The following NCOR2 variants were observed in gnomAD, a reference collection of about 807,000 sequenced individuals.
The protein encoded by NCOR2 is nuclear receptor corepressor 2.
A neutral mutation model predicts 262.9 loss-of-function variants in NCOR2; 81 were observed. That is an observed-to-expected ratio of 0.31 (90% CI 0.26 to 0.37). The LOEUF is 0.37. Ranked by LOEUF, NCOR2 falls within the 10% of genes least tolerant of loss-of-function variation. The pLI is 1.00. For missense variants in NCOR2, 3,385 were observed against 3,621.4 expected, an observed-to-expected ratio of 0.93 and a Z score of 1.68; for synonymous variants, 1,659 against 1,559.3, an observed-to-expected ratio of 1.06 and a Z score of -1.51.
intron 13 of NCOR2, among the ~76,000 whole-genome samples, chr12:124,406,771 G>A (rs931806231): frequency 3.9e-5 from 6 of 152,186 alleles, no homozygotes; most frequent in Admixed American, 1.3e-4. Context: ...AGAGACACCT[G>A]CCCCCAGATC....
At chr12:124,337,384 T>C in intron 37 of NCOR2, 1 of 728,836 alleles carries the variant, frequency 1.4e-6, no homozygotes, top group East Asian at 2.7e-5. Flanking sequence ...CCTTGCATCA[T>C]TCCAAAACTT....
intron 6 of NCOR2, among the ~76,000 whole-genome samples, chr12:124,453,173 G>A (rs2045650072): frequency 1.3e-5 from 2 of 152,188 alleles, no homozygotes; most frequent in African/African-American, 4.8e-5. Flanking sequence ...CTGCAGAGAG[G>A]GCTGCACAAA....
chr12:124,333,076 T>A (rs1001376407), intron 42 of NCOR2, 54 bp downstream of exon 44: 1 of 1,531,128 alleles, frequency 6.5e-7, no homozygotes, highest in East Asian at 2.3e-5. Flanking sequence ...GGGCCAAGGA[T>A]GGGCAAGGGA....
chr12:124,365,149 C>A (rs1192471709), intron 20 of NCOR2, among the ~76,000 whole-genome samples: 2 of 152,212 alleles, frequency 1.3e-5, no homozygotes, highest in African/African-American at 4.8e-5. Context: ...TGTCCTAGGT[C>A]TTCCAAGCTA....
At chr12:124,370,907 ACCTGTGAT>A (rs1389625442) in intron 20 of NCOR2, among the ~76,000 whole-genome samples, 1 of 152,088 alleles carries the variant, frequency 6.6e-6, no homozygotes, top group Non-Finnish European at 1.5e-5. Context: ...CAAGGTGATC[ACCTGTGAT>A]CCTGAGCCCT....
At chr12:124,356,900 C>G (rs952832725) in intron 22 of NCOR2, 118 bp from the exon 25 acceptor site, 8 of 1,278,222 alleles carry the variant, frequency 6.3e-6, no homozygotes, top group Non-Finnish European at 7.1e-6. Flanking sequence ...TGGCCTGTGA[C>G]GGCCTGGGCT....
chr12:124,532,196 G>A (rs1345079160), intron 1 of NCOR2, among the ~76,000 whole-genome samples: 6 of 152,104 alleles, frequency 3.9e-5, no homozygotes, highest in Admixed American at 6.5e-5. Flanking sequence ...TCGGCCCTGA[G>A]GTCTGTCCCC....
At chr12:124,452,920 C>G (rs1046935631) in intron 6 of NCOR2, among the ~76,000 whole-genome samples, 5 of 152,154 alleles carry the variant, frequency 3.3e-5, no homozygotes, top group African/African-American at 4.8e-5. Context: ...TAAACAGGAA[C>G]TGCCCCCCTG....
At chr12:124,509,254 A>G (rs2137008949) in intron 1 of NCOR2, among the ~76,000 whole-genome samples, 1 of 133,316 alleles carries the variant, frequency 7.5e-6, no homozygotes, top group African/African-American at 3.4e-5. Context: ...GGGGGGCTTA[A>G]CTCTGAACTC....
intron 1 of NCOR2, among the ~76,000 whole-genome samples, chr12:124,500,254 C>A (rs956223127): frequency 3.9e-5 from 6 of 152,142 alleles, no homozygotes; most frequent in African/African-American, 1.4e-4. Context: ...GGCCCCTGAA[C>A]CAGCTGGAGG....
exon 2 of NCOR2, chr12:124,486,470 C>T (rs1409915520): frequency 1.2e-6 from 2 of 1,612,444 alleles, no homozygotes; most frequent in Non-Finnish European, 1.7e-6. Flanking sequence ...ACTCAGACAG[C>T]AGGGAGGGCC....
At chr12:124,536,612 C>T (rs1036818336), upstream of NCOR2, among the ~76,000 whole-genome samples, 7 of 152,160 alleles carry the variant, frequency 4.6e-5, no homozygotes, top group Non-Finnish European at 8.8e-5. Context: ...CACGAAAGAC[C>T]ACTGCTCACC....
At chr12:124,387,887 G>C (rs1017228682) in intron 16 of NCOR2, among the ~76,000 whole-genome samples, 8 of 152,218 alleles carry the variant, frequency 5.3e-5, no homozygotes, top group Admixed American at 3.3e-4. Flanking sequence ...CTCCCATCTG[G>C]GCCTGCTGGG....
At chr12:124,377,900 G>A (rs1283943919) in intron 18 of NCOR2, among the ~76,000 whole-genome samples, 2 of 151,914 alleles carry the variant, frequency 1.3e-5, no homozygotes, top group African/African-American at 4.8e-5. Flanking sequence ...TGTGACATCG[G>A]ATGGGGTGAA....
chr12:124,536,680 C>T (rs550617315), upstream of NCOR2, among the ~76,000 whole-genome samples: 90 of 152,306 alleles, frequency 5.9e-4, no homozygotes, highest in African/African-American at 2.1e-3. Flanking sequence ...ACAAGGAGCA[C>T]CTGGAACCCT....
intron 31 of NCOR2, among the ~76,000 whole-genome samples, 183 bp from the exon 34 acceptor site, chr12:124,345,134 C>T (rs989878190): frequency 6.6e-6 from 1 of 152,164 alleles, no homozygotes; most frequent in African/African-American, 2.4e-5. Context: ...ACTTACTGCC[C>T]TGCGCACCCT....
chr12:124,449,438 G>A (rs1214222797), intron 7 of NCOR2, among the ~76,000 whole-genome samples: 1 of 152,180 alleles, frequency 6.6e-6, no homozygotes, highest in African/African-American at 2.4e-5. Flanking sequence ...CGCCTGCTCT[G>A]GGGCCACTCC....
At chr12:124,508,175 G>A (rs977030979) in intron 1 of NCOR2, among the ~76,000 whole-genome samples, 6 of 152,386 alleles carry the variant, frequency 3.9e-5, no homozygotes, top group Middle Eastern at 3.4e-3. Context: ...GGGCCTGGAT[G>A]GGAGGACCCC....
At chr12:124,433,821 TTCCC>T (rs1157968202) in intron 8 of NCOR2, among the ~76,000 whole-genome samples, 8 of 122,500 alleles carry the variant, frequency 6.5e-5, no homozygotes, top group Admixed American at 5.2e-4. Flanking sequence ...CCTTCCTCCC[TTCCC>T]TCCCTCCCTC....
Sources: allele counts gnomAD v4.1 joint callset (sites outside exome capture counted in the v4.1 genomes callset), GRCh38; gene constraint gnomAD v4.1.1; transcripts MANE v1.5; gene names NCBI Gene and HGNC (gene_info 2026-07-23, HGNC 2026-07-21).